The following UGT1A8 variants were observed in gnomAD, a reference collection of about 807,000 sequenced individuals.
The protein encoded by UGT1A8 is UDP glucuronosyltransferase family 1 member A8, also known as UDP-glucuronosyltransferase 1A8.
Under a neutral mutation model 45.3 loss-of-function variants are expected in UGT1A8, and 39 were observed. The observed-to-expected ratio is 0.86, with a 90% CI of 0.67 to 1.12. The LOEUF is 1.12. Ranked by LOEUF, UGT1A8 falls within the 50% of genes most tolerant of loss-of-function variation. UGT1A8 has a pLI of 0.00. For missense variants in UGT1A8, 719 were observed against 664.9 expected (o/e 1.08, Z -0.90); for synonymous variants, 275 against 249.2 (o/e 1.10, Z -0.97).
At chr2:233,770,357 A>G (rs1700064442) in intron 4 of UGT1A8, 1 of 152,214 alleles carries the variant, frequency 6.6e-6, no homozygotes, top group Admixed American at 6.5e-5. Flanking sequence ...TATTGAATGA[A>G]TGAATGAAAG....
chr2:233,706,156 T>G (rs1363700442), intron 1 of UGT1A8, among the ~76,000 whole-genome samples: 1 of 152,112 alleles, frequency 6.6e-6, no homozygotes, highest in Non-Finnish European at 1.5e-5. Flanking sequence ...ATGAGAACCT[T>G]CTAAATGTGG....
chr2:233,761,181 G>T (rs539737168), intron 1 of UGT1A8: 1 of 1,614,126 alleles, frequency 6.2e-7, no homozygotes, highest in Non-Finnish European at 8.5e-7. Flanking sequence ...TTTTACATGC[G>T]TATATTCTTT....
At chr2:233,721,414 A>G (rs1463398492) in intron 1 of UGT1A8, 1 of 155,730 alleles carries the variant, frequency 6.4e-6, no homozygotes, top group Non-Finnish European at 1.4e-5. Context: ...TAGGACAGGT[A>G]CCCTAAGCAT....
intron 1 of UGT1A8, among the ~76,000 whole-genome samples, chr2:233,689,411 C>T (rs1415837333): frequency 6.6e-6 from 1 of 152,188 alleles, no homozygotes; most frequent in Admixed American, 6.5e-5. Flanking sequence ...GACCCAATCT[C>T]TCTAATGGCT....
rs187561805 is a variant in UGT1A8 at position 233,713,630 on chromosome 2, C to T, written c.856-53404C>T. ...TGACATTCCTGCAAAGGGTCAAGAA[C>T]ATGCTCTACCCTCTGGCCCTGTCCT... is the stretch of plus-strand genomic sequence containing the variant. On this transcript the variant is annotated intron_variant, in intron 1 of 4. Transcript: ENST00000373450. The T allele has an allele frequency of 4.3e-6, 7 of 1,613,980 alleles. No individual in the cohort carries two copies. The African/African-American group carries it at 6.7e-5, about 15-fold the overall frequency.
intron 1 of UGT1A8, among the ~76,000 whole-genome samples, chr2:233,623,501 C>A (rs563607038): frequency 4.6e-5 from 7 of 151,872 alleles, no homozygotes; most frequent in African/African-American, 1.7e-4. Flanking sequence ...TGAATGCCAT[C>A]TAGTCATTTT....
Position 233,617,995 on chromosome 2 carries a change from T to G in UGT1A8, c.288T>G (p.Ala96=), listed in dbSNP as rs1195476981. 1 of 1,614,210 alleles carries G rather than the reference T, an allele frequency of 6.2e-7. No homozygotes were observed. Among genetic ancestry groups the G allele is most frequent in the South Asian group, 1.1e-5 (1 of 91,082 alleles). ...LDREFMDFAD[A]QWKAQVRSLF... is the part of the protein sequence containing the mutation. Reference sequence around the variant, plus strand: ...GGGAATTCATGGATTTCGCCGATGCTCAATGGAAAGCACAAGTACGAAGTT... The same window carrying G: ...GGGAATTCATGGATTTCGCCGATGCGCAATGGAAAGCACAAGTACGAAGTT... The change falls in exon 1 of 5, where the codon GCT becomes GCG. Residue 96 remains alanine, a synonymous_variant. Transcript: ENST00000373450.
intron 1 of UGT1A8, chr2:233,682,600 C>T: frequency 6.2e-7 from 1 of 1,613,880 alleles, no homozygotes; most frequent in African/African-American, 1.3e-5. Flanking sequence ...TATTTTGCCC[C>T]TATTTTTTCA....
chr2:233,768,949 T>G (rs973201287), intron 4 of UGT1A8, among the ~76,000 whole-genome samples: 26 of 152,212 alleles, frequency 1.7e-4, no homozygotes, highest in Admixed American at 1.5e-3. Context: ...TTAGTTTCTA[T>G]ATAATTTATC....
intron 1 of UGT1A8, among the ~76,000 whole-genome samples, chr2:233,730,736 G>A (rs896842159): frequency 4.6e-5 from 7 of 152,232 alleles, no homozygotes; most frequent in Non-Finnish European, 2.9e-5. Flanking sequence ...TGGCGGAAGG[G>A]GCTAGGGAGG....
intron 1 of UGT1A8, among the ~76,000 whole-genome samples, chr2:233,732,885 A>G (rs1356305155): frequency 6.6e-6 from 1 of 150,402 alleles, no homozygotes; most frequent in Non-Finnish European, 1.5e-5. Flanking sequence ...CATTGAATCT[A>G]TAAATTACCT....
At position 233,719,647 on chromosome 2, in the gene UGT1A8, T is replaced by C. The variant is rs201461954; in HGVS notation, c.856-47387T>C. 6.3e-5 allele frequency: 101 copies of C among 1,614,092 alleles called. No homozygotes were observed. Among genetic ancestry groups the C allele is most frequent in the East Asian group, 2.9e-4 (13 of 44,880 alleles). On this transcript the variant is annotated intron_variant, in intron 1 of 4. Coordinates refer to ENST00000373450, the MANE Select transcript of UGT1A8 (RefSeq NM_019076.5). ...CCGATCATGCCCAACATGGTCTTCATTGGGGGCATCAACTGTGCCAACGGG... is the reference window on the plus strand; with the variant it reads ...CCGATCATGCCCAACATGGTCTTCACTGGGGGCATCAACTGTGCCAACGGG...
chr2:233,637,220 A>C, intron 1 of UGT1A8: 2 of 1,613,966 alleles, frequency 1.2e-6, no homozygotes, highest in Non-Finnish European at 1.7e-6. Flanking sequence ...ATAGCCTCTG[A>C]AATTCTCCAA....
intron 1 of UGT1A8, among the ~76,000 whole-genome samples, chr2:233,749,373 T>C (rs1474844214): frequency 3.9e-5 from 6 of 151,924 alleles, no homozygotes; most frequent in Non-Finnish European, 7.3e-5. Flanking sequence ...TGCCCTTTTC[T>C]TCCAGTTTTT....
Position 233,769,482 on chromosome 2 carries a change from T to A in UGT1A8, c.1295+1043T>A. On this transcript the variant is annotated intron_variant, in intron 4 of 4. Coordinates refer to ENST00000373450, the MANE Select transcript of UGT1A8 (RefSeq NM_019076.5). The surrounding 1 kb of genome is among the most constrained non-coding windows in gnomAD (Gnocchi z 4.4). Reference sequence around the variant, plus strand: ...TCATATGCGTGTGTGTGTGTGTGCGTGTGTTTATGAGAGTGTCCATTGCTT... The same window carrying A: ...TCATATGCGTGTGTGTGTGTGTGCGAGTGTTTATGAGAGTGTCCATTGCTT... The A allele has an allele frequency of 6.2e-7, 1 of 1,611,750 alleles. No homozygotes were observed.
chr2:233,690,457 A>T (rs1325697308), intron 1 of UGT1A8: 1 of 1,288,132 alleles, frequency 7.8e-7, no homozygotes, highest in East Asian at 5.6e-5. Flanking sequence ...TCAAAATGCC[A>T]GCTATCCTCC....
At chr2:233,725,703 A>G (rs2077468684) in intron 1 of UGT1A8, among the ~76,000 whole-genome samples, 1 of 152,222 alleles carries the variant, frequency 6.6e-6, no homozygotes, top group South Asian at 2.1e-4. Flanking sequence ...ATATGTAGTT[A>G]GTGACTACCA....
chr2:233,633,264 GA>G (rs2073223564), intron 1 of UGT1A8, among the ~76,000 whole-genome samples: 1 of 152,092 alleles, frequency 6.6e-6, no homozygotes, highest in Non-Finnish European at 1.5e-5. Context: ...ATATTGGCCT[GA>G]AATTTTTTTG....
At chr2:233,696,988 G>A (rs914918936) in intron 1 of UGT1A8, among the ~76,000 whole-genome samples, 8 of 151,918 alleles carry the variant, frequency 5.3e-5, no homozygotes, top group African/African-American at 7.2e-5. Context: ...CTGGTGTTTC[G>A]TTGAGATTTT....
Sources: gnomAD v4.1 joint callset for allele counts (sites outside exome capture counted in the v4.1 genomes callset) on GRCh38, gnomAD v4.1.1 for gene constraint, Gnocchi (gnomAD v3.1) non-coding constraint, MANE v1.5 for transcripts, NCBI Gene and HGNC (gene_info 2026-07-23, HGNC 2026-07-21) for gene names.